The following XKR4 variants were observed in gnomAD, a reference collection of about 807,000 sequenced individuals.
XKR4 encodes the protein XK related 4, also known as XK-related protein 4.
XKR4 carries 12 observed loss-of-function variants against 53.9 expected under a neutral mutation model. That is an observed-to-expected ratio of 0.22 (90% CI 0.14 to 0.36). The LOEUF is 0.36. Among genes scored for constraint, XKR4 ranks in the 10% least tolerant of loss-of-function variants. XKR4 has a pLI of 1.00. For synonymous variants in XKR4, 354 were observed against 362.4 expected (o/e 0.98, Z 0.26); for missense variants, 799 against 859.5 (o/e 0.93, Z 0.88).
At chr8:55,240,928 T>C (rs964232391) in intron 1 of XKR4, among the ~76,000 whole-genome samples, 70 of 152,192 alleles carry the variant, frequency 4.6e-4, no homozygotes, top group African/African-American at 1.6e-3. Context: ...GGTAAGGTAT[T>C]CTGGAAACCA....
At chr8:55,200,459 T>A (rs10504183) in intron 1 of XKR4, among the ~76,000 whole-genome samples, 1 of 152,102 alleles carries the variant, frequency 6.6e-6, no homozygotes, top group Non-Finnish European at 1.5e-5. Context: ...TTCAGAACTT[T>A]TGGTGGATAA....
chr8:55,540,728 C>A lies in XKR4; in HGVS notation c.*16501C>A, dbSNP rs1807090014. 6.6e-6 allele frequency: 1 copy of A among 152,188 alleles called. No individual in the cohort carries two copies. Among genetic ancestry groups the A allele is most frequent in the African/African-American group, 2.4e-5 (1 of 41,452 alleles). 9.4% of individuals were successfully genotyped at this position (152,188 alleles called of 1,614,324 possible). A position where few individuals can be genotyped will look rare whatever the true frequency, so the allele number is the denominator to read the frequency against. Reference sequence around the variant, plus strand: ...GACAAAAATGTTGTTAAAGCAAGAGCAAAATCATCCTTCCTATGGATTCTT... The same window carrying A: ...GACAAAAATGTTGTTAAAGCAAGAGAAAAATCATCCTTCCTATGGATTCTT... On this transcript the variant is annotated 3_prime_UTR_variant, in exon 3 of 3. Coordinates refer to ENST00000327381, the MANE Select transcript of XKR4 (RefSeq NM_052898.2).
At chr8:55,110,662 C>G (rs1445030390) in intron 1 of XKR4, among the ~76,000 whole-genome samples, 1 of 152,126 alleles carries the variant, frequency 6.6e-6, no homozygotes, top group Non-Finnish European at 1.5e-5. Context: ...AAAAATGCAG[C>G]TGGAAGCCCA....
chr8:55,275,699 T>C (rs1818754382), intron 1 of XKR4, among the ~76,000 whole-genome samples: 1 of 152,242 alleles, frequency 6.6e-6, no homozygotes, highest in Non-Finnish European at 1.5e-5. Context: ...TAATTTCTTC[T>C]TGAACAATTT....
chr8:55,326,815 T>G (rs766463526), intron 1 of XKR4, among the ~76,000 whole-genome samples: 1 of 151,936 alleles, frequency 6.6e-6, no homozygotes, highest in Non-Finnish European at 1.5e-5. Context: ...ATTTGAGTTA[T>G]GAGCTTAGGC....
chr8:55,417,129 T>C lies in XKR4; in HGVS notation c.1006+59252T>C, dbSNP rs79610069. Among the ~76,000 whole-genome samples the C allele has an allele frequency of 5.1e-3, 772 of 152,234 alleles. 1 individual carries two copies. The highest frequency in any genetic ancestry group is 8.5e-3 in the Non-Finnish European group (577 of 68,012). ...ATGAGCAGCGAAGGCTGAGAACCAT[T>C]GTCGTCGTGGGTACTAGAGAGGCTT... On this transcript the variant is annotated intron_variant, in intron 2 of 2. Transcript: ENST00000327381.
intron 2 of XKR4, among the ~76,000 whole-genome samples, chr8:55,364,260 A>G (rs1338009860): frequency 6.6e-6 from 1 of 152,198 alleles, no homozygotes; most frequent in Non-Finnish European, 1.5e-5. Flanking sequence ...CATCAAGGAC[A>G]TCTGGTCCCC....
chr8:55,412,117 T>C (rs1030380203), intron 2 of XKR4, among the ~76,000 whole-genome samples: 2 of 152,140 alleles, frequency 1.3e-5, no homozygotes, highest in African/African-American at 4.8e-5. Context: ...GGACGCTGAT[T>C]TCCATGGGGT....
chr8:55,117,359 G>A lies in XKR4; in HGVS notation c.806+14065G>A, dbSNP rs184004442. ...ATGGATTTTGCAAATAAGATTAGCTGCTGGTAAAAATGGACTCTTTAGGAG... is the reference window on the plus strand; with the variant it reads ...ATGGATTTTGCAAATAAGATTAGCTACTGGTAAAAATGGACTCTTTAGGAG... On this transcript the variant is annotated intron_variant, in intron 1 of 2. Coordinates refer to ENST00000327381, the MANE Select transcript of XKR4 (RefSeq NM_052898.2). Among the ~76,000 whole-genome samples the A allele has an allele frequency of 3.5e-3, 535 of 152,320 alleles. 3 individuals carry two copies. Among genetic ancestry groups the A allele is most frequent in the African/African-American group, 0.013 (522 of 41,574 alleles).
At chr8:55,261,003 A>G (rs1818516642) in intron 1 of XKR4, among the ~76,000 whole-genome samples, 1 of 152,194 alleles carries the variant, frequency 6.6e-6, no homozygotes, top group Admixed American at 6.5e-5. Context: ...GCTTTTCATT[A>G]AAAGCAAAAC....
At chr8:55,251,992 C>T (rs543959603) in intron 1 of XKR4, among the ~76,000 whole-genome samples, 1 of 152,340 alleles carries the variant, frequency 6.6e-6, no homozygotes, top group South Asian at 2.1e-4. Flanking sequence ...TGGCCAATCC[C>T]ATGAGTACCA....
intron 1 of XKR4, among the ~76,000 whole-genome samples, chr8:55,183,712 A>G (rs1341122898): frequency 3.9e-5 from 6 of 152,240 alleles, no homozygotes; most frequent in South Asian, 4.1e-4. Context: ...TTCTGCTGCT[A>G]TTGGGTGGAA....
chr8:55,430,219 GC>G, intron 2 of XKR4, among the ~76,000 whole-genome samples: 1 of 152,144 alleles, frequency 6.6e-6, no homozygotes, highest in Non-Finnish European at 1.5e-5. Context: ...AAATGATATA[GC>G]CACTCTGGAA....
intron 1 of XKR4, among the ~76,000 whole-genome samples, chr8:55,323,099 A>G (rs925266968): frequency 6.6e-6 from 1 of 152,262 alleles, no homozygotes; most frequent in Non-Finnish European, 1.5e-5. Context: ...AATACTTTAA[A>G]TCATGAATGG....
intron 2 of XKR4, among the ~76,000 whole-genome samples, chr8:55,480,169 C>A (rs150637233): frequency 3.3e-5 from 5 of 152,222 alleles, no homozygotes; most frequent in Non-Finnish European, 5.9e-5. Flanking sequence ...ACTGGCAAAC[C>A]GAATCCAGCA....
At chr8:55,250,734 G>A (rs545817448) in intron 1 of XKR4, among the ~76,000 whole-genome samples, 16 of 152,312 alleles carry the variant, frequency 1.1e-4, no homozygotes, top group African/African-American at 3.8e-4. Flanking sequence ...AAATGTACTA[G>A]CAACTGTGAA....
chr8:55,478,472 T>C (rs1249024431), intron 2 of XKR4, among the ~76,000 whole-genome samples: 7 of 152,032 alleles, frequency 4.6e-5, no homozygotes, highest in Non-Finnish European at 7.3e-5. Context: ...CCATCAAGGC[T>C]AGGAAGAAAC....
intron 1 of XKR4, among the ~76,000 whole-genome samples, chr8:55,294,445 A>G (rs1276309568): frequency 6.6e-6 from 1 of 152,162 alleles, no homozygotes; most frequent in Non-Finnish European, 1.5e-5. Flanking sequence ...TTACCTCAGT[A>G]GTGATGGTGT....
At chr8:55,274,357 G>A (rs1415033931) in intron 1 of XKR4, among the ~76,000 whole-genome samples, 1 of 152,130 alleles carries the variant, frequency 6.6e-6, no homozygotes, top group Non-Finnish European at 1.5e-5. Flanking sequence ...CTTGCAGACA[G>A]CAGCCTTCTC....
Sources: gnomAD v4.1 joint callset for allele counts (sites outside exome capture counted in the v4.1 genomes callset) on GRCh38, gnomAD v4.1.1 for gene constraint, MANE v1.5 for transcripts, NCBI Gene and HGNC (gene_info 2026-07-23, HGNC 2026-07-21) for gene names.